The following LOC400499 variants were observed in gnomAD, a reference collection of about 807,000 sequenced individuals.
chr16:11,486,780 TG>T, the LOC400499 span, among the ~76,000 whole-genome samples: 9,424 of 33,234 alleles, frequency 0.28, 1,870 homozygotes, highest in Admixed American at 0.43. Context: ...GGATAATGGG[TG>T]GGTGGGTGGG....
the LOC400499 span, chr16:11,460,036 C>T: frequency 1.4e-6 from 2 of 1,458,578 alleles, no homozygotes; most frequent in East Asian, 2.5e-5. Context: ...CCCGAGTCCT[C>T]CTCATGCCAG....
chr16:11,410,855 C>A, the LOC400499 span, among the ~76,000 whole-genome samples: 1 of 152,228 alleles, frequency 6.6e-6, no homozygotes, highest in Non-Finnish European at 1.5e-5. Flanking sequence ...CCTGTGCACT[C>A]CTACGACCCC....
chr16:11,441,247 A>C, the LOC400499 span, among the ~76,000 whole-genome samples: 4 of 152,364 alleles, frequency 2.6e-5, no homozygotes, highest in South Asian at 2.1e-4. Context: ...ATGGGTACAC[A>C]GGAATGGTAA....
the LOC400499 span, among the ~76,000 whole-genome samples, chr16:11,387,991 C>G: frequency 2.6e-5 from 4 of 152,046 alleles, no homozygotes; most frequent in African/African-American, 9.7e-5. Flanking sequence ...GAGTAGGAGT[C>G]AAGCCTGTGA....
the LOC400499 span, among the ~76,000 whole-genome samples, chr16:11,517,991 G>A: frequency 2.0e-5 from 3 of 152,182 alleles, no homozygotes; most frequent in South Asian, 2.1e-4. Flanking sequence ...AAGCCTGGAG[G>A]TCTTCCTAAG....
chr16:11,485,770 A>G, the LOC400499 span, among the ~76,000 whole-genome samples: 17 of 152,124 alleles, frequency 1.1e-4, no homozygotes, highest in East Asian at 3.9e-4. Flanking sequence ...TAGCATTTTC[A>G]GAGAAGTCAC....
At chr16:11,450,407 C>G in the LOC400499 span, among the ~76,000 whole-genome samples, 1 of 152,198 alleles carries the variant, frequency 6.6e-6, no homozygotes, top group Non-Finnish European at 1.5e-5. Flanking sequence ...TGTGGGAAAT[C>G]TAGATTTTCT....
At chr16:11,417,475 G>C in the LOC400499 span, among the ~76,000 whole-genome samples, 1 of 150,316 alleles carries the variant, frequency 6.7e-6, no homozygotes, top group Non-Finnish European at 1.5e-5. Context: ...TGGGAGTTAG[G>C]TCATTGACGG....
chr16:11,401,873 T>A, the LOC400499 span, among the ~76,000 whole-genome samples: 1 of 152,286 alleles, frequency 6.6e-6, no homozygotes, highest in South Asian at 2.1e-4. Flanking sequence ...CCAGGTCTCC[T>A]GCTGCCCCCC....
the LOC400499 span, among the ~76,000 whole-genome samples, chr16:11,474,530 A>T: frequency 4.1e-4 from 62 of 152,168 alleles, no homozygotes; most frequent in Admixed American, 3.0e-3. Flanking sequence ...ATAGGGTAGA[A>T]TTACAGAAGC....
the LOC400499 span, chr16:11,414,655 G>A: frequency 1.3e-5 from 5 of 398,056 alleles, no homozygotes; most frequent in East Asian, 1.8e-4. Context: ...CAGCGTGGGT[G>A]CTGGGTGGGG....
the LOC400499 span, among the ~76,000 whole-genome samples, chr16:11,452,534 G>A: frequency 6.6e-6 from 1 of 152,202 alleles, no homozygotes; most frequent in Non-Finnish European, 1.5e-5. Context: ...GCCCACAGCG[G>A]CCCCTCAAAG....
chr16:11,461,209 C>T, the LOC400499 span: 153 of 1,437,234 alleles, frequency 1.1e-4, no homozygotes, highest in Non-Finnish European at 1.3e-4. Context: ...CAGGTATCAC[C>T]GAGGGGCCTT....
At chr16:11,405,471 A>C in the LOC400499 span, among the ~76,000 whole-genome samples, 1 of 152,136 alleles carries the variant, frequency 6.6e-6, no homozygotes, top group South Asian at 2.1e-4. Context: ...TCAAGGGAGA[A>C]AGGAACGCAG....
At chr16:11,457,531 T>A in the LOC400499 span, among the ~76,000 whole-genome samples, 6 of 147,054 alleles carry the variant, frequency 4.1e-5, no homozygotes, top group Admixed American at 1.4e-4. Context: ...AGGCAGAGCT[T>A]GCAGTGAGCC....
chr16:11,513,078 T>C, the LOC400499 span, among the ~76,000 whole-genome samples: 1 of 152,222 alleles, frequency 6.6e-6, no homozygotes, highest in Non-Finnish European at 1.5e-5. Flanking sequence ...ATTTGACCTC[T>C]TTGAGCCACA....
At chr16:11,387,642 T>TTTTTGTTTC in the LOC400499 span, among the ~76,000 whole-genome samples, 2 of 151,768 alleles carry the variant, frequency 1.3e-5, no homozygotes, top group Non-Finnish European at 2.9e-5. Flanking sequence ...TAGGAAATTT[T>TTTTTGTTTC]GTTTTTTAAG....
chr16:11,411,743 G>C, the LOC400499 span, among the ~76,000 whole-genome samples: 35 of 152,218 alleles, frequency 2.3e-4, no homozygotes, highest in African/African-American at 8.2e-4. Flanking sequence ...GCAGGGTCTG[G>C]ACAGCAGGAT....
At chr16:11,517,137 C>T in the LOC400499 span, among the ~76,000 whole-genome samples, 4 of 152,088 alleles carry the variant, frequency 2.6e-5, no homozygotes, top group Admixed American at 6.6e-5. Context: ...TGGTGCAAGT[C>T]GACACCACAC....
Sources: allele counts gnomAD v4.1 joint callset (sites outside exome capture counted in the v4.1 genomes callset), GRCh38; gene constraint gnomAD v4.1.1; transcripts MANE v1.5.